CEP192: variants seen among roughly 807,000 people sequenced by gnomAD.
CEP192 encodes the protein centrosomal protein 192.
In CEP192, 151 loss-of-function variants were observed where a neutral mutation model predicts 271.8. That is an observed-to-expected ratio of 0.56 (90% CI 0.49 to 0.64). The LOEUF (loss-of-function observed/expected upper bound fraction) is 0.64, where lower values mean the gene tolerates loss of function less well. CEP192 is among the 30% of genes least tolerant of loss of function. The pLI, the probability that CEP192 is intolerant of heterozygous loss-of-function variation, is 0.00. For missense variants in CEP192, 2,910 were observed against 3,020.5 expected, an observed-to-expected ratio of 0.96 and a Z score of 0.86; for synonymous variants, 995 against 1,076.5, an observed-to-expected ratio of 0.92 and a Z score of 1.48.
At chr18:13,033,211 C>T (rs1310218826) in intron 11 of CEP192, among the ~76,000 whole-genome samples, 1 of 152,090 alleles carries the variant, frequency 6.6e-6, no homozygotes, top group African/African-American at 2.4e-5. Context: ...GTTTAAAGCC[C>T]ATTCCCCTAA....
intron 30 of CEP192, 64 bp downstream of exon 30, chr18:13,073,249 A>G: frequency 7.3e-7 from 1 of 1,366,256 alleles, no homozygotes; most frequent in South Asian, 1.4e-5. Flanking sequence ...CTATTGGTTT[A>G]ATGTTGTAAA....
rs953522578 is a variant in CEP192 at position 13,017,204 on chromosome 18, T to C, written c.657T>C (p.Asp219=). The C allele has an allele frequency of 6.5e-7, 1 of 1,545,928 alleles. No individual in the cohort carries two copies. Among genetic ancestry groups the C allele is most frequent in the Admixed American group, 2.0e-5 (1 of 50,202 alleles). The change falls in exon 7 of 45, where the codon GAT becomes GAC. Residue 219 remains aspartate (D), a synonymous_variant. Coordinates refer to ENST00000506447, the MANE Select transcript of CEP192 (RefSeq NM_032142.4). The stretch of plus-strand genomic sequence containing the variant: ...TATCAATAGATGATGATATTGATGA[T>C]GAAATGTTTTATGATGATCATTTGG... ...LEDSSDDDID[D]EMFYDDHLEA...
chr18:13,017,109 T>G, intron 6 of CEP192, 79 bp from the exon 7 acceptor site: 1 of 1,146,888 alleles, frequency 8.7e-7, no homozygotes, highest in Non-Finnish European at 1.2e-6. Flanking sequence ...ATTTATGTCT[T>G]ATCGGCCTTT....
At chr18:13,120,883 T>C (rs2040627374) in intron 44 of CEP192, among the ~76,000 whole-genome samples, 1 of 152,210 alleles carries the variant, frequency 6.6e-6, no homozygotes, top group Non-Finnish European at 1.5e-5. Context: ...TTTAACTAAA[T>C]GAACTAAACT....
At chr18:13,099,620 A>G (rs375783748) in intron 37 of CEP192, 39 bp downstream of exon 37, 280 of 995,100 alleles carry the variant, frequency 2.8e-4, no homozygotes, top group Non-Finnish European at 3.9e-4. Context: ...TTTGAGTGAC[A>G]ATTCTGTTTG....
At chr18:13,034,459 C>A (rs1309308968) in intron 11 of CEP192, among the ~76,000 whole-genome samples, 1 of 152,118 alleles carries the variant, frequency 6.6e-6, no homozygotes, top group East Asian at 1.9e-4. Context: ...ACGTCCAAGT[C>A]ATTTTAAATG....
chr18:13,100,117 A>G (rs1246563907), intron 37 of CEP192, among the ~76,000 whole-genome samples, 188 bp from the exon 38 acceptor site: 1 of 152,234 alleles, frequency 6.6e-6, no homozygotes, highest in Non-Finnish European at 1.5e-5. Flanking sequence ...CTTTAAAAAC[A>G]AAGGTAATGG....
intron 20 of CEP192, 81 bp downstream of exon 20, chr18:13,057,814 G>A (rs2037195156): frequency 2.1e-6 from 3 of 1,396,586 alleles, no homozygotes. Flanking sequence ...CTAGTGCTAG[G>A]TTCTCCCTTC....
intron 15 of CEP192, among the ~76,000 whole-genome samples, chr18:13,047,249 T>G (rs1037563623): frequency 6.6e-6 from 1 of 152,194 alleles, no homozygotes; most frequent in Non-Finnish European, 1.5e-5. Context: ...AGCCTCATCC[T>G]TATGAGAACC....
rs1236366705 is a variant in CEP192, at chr18:13,015,424, C to G, written c.616C>G (p.Pro206Ala). ...ATTAGAAAATGAGAAACTTATCTTA[C>G]CGACAAGCTTGGAAGATTCTTCTGG... Reference protein sequence around the residue: ...SLLENEKLILPTSLEDSSDDD... With the variant: ...SLLENEKLILATSLEDSSDDD... The change falls in exon 6 of 45, where the codon CCG becomes GCG. Residue 206 changes from proline to alanine, a missense_variant. Transcript: ENST00000506447. 1 of 1,551,222 alleles carries G rather than the reference C, an allele frequency of 6.4e-7. No homozygotes were observed.
At chr18:13,013,370 C>G (rs887150978) in intron 5 of CEP192, among the ~76,000 whole-genome samples, 1 of 152,070 alleles carries the variant, frequency 6.6e-6, no homozygotes, top group African/African-American at 2.4e-5. Flanking sequence ...TCCTGAGTGC[C>G]TGAGTGTCTG....
At chr18:12,992,338 T>C (rs906378931) in intron 1 of CEP192, among the ~76,000 whole-genome samples, 3 of 152,200 alleles carry the variant, frequency 2.0e-5, no homozygotes, top group Non-Finnish European at 4.4e-5. Flanking sequence ...TGATGAGTTT[T>C]GGGGAAGTTT....
At chr18:13,076,545 T>A (rs1243150355) in intron 30 of CEP192, among the ~76,000 whole-genome samples, 1 of 152,190 alleles carries the variant, frequency 6.6e-6, no homozygotes, top group Non-Finnish European at 1.5e-5. Context: ...CTTGTTACTC[T>A]GTAGTAATTT....
At position 13,052,901 on chromosome 18, in the gene CEP192, G is replaced by A. The variant is rs561788872; in HGVS notation, c.3018-18G>A. The A allele has an allele frequency of 2.6e-6, 4 of 1,545,546 alleles. No homozygotes were observed. Among genetic ancestry groups the A allele is most frequent in the Non-Finnish European group, 3.5e-6 (4 of 1,138,622 alleles). On this transcript the variant is annotated intron_variant, in intron 17 of 44. Coordinates refer to ENST00000506447, the MANE Select transcript of CEP192 (RefSeq NM_032142.4). ...AAGGACTGGAGAACTCCAGGTGTGA[G>A]CTACTCTTCTCTTTCAGGTGTGCGT...
chr18:13,121,527 T>C (rs1475304603), intron 44 of CEP192, among the ~76,000 whole-genome samples: 2 of 152,208 alleles, frequency 1.3e-5, no homozygotes, highest in African/African-American at 4.8e-5. Flanking sequence ...AACACGAATG[T>C]ATGATAGATT....
Position 13,112,051 on chromosome 18 carries a change from T to C in CEP192, c.7048-1535T>C, listed in dbSNP as rs983992749. 3.3e-5 allele frequency among the ~76,000 whole-genome samples: 5 copies of C among 152,216 alleles called. No individual in the cohort carries two copies. The East Asian group carries it at 5.8e-4, about 18-fold the overall frequency. ...GGTATGTGAAATGGTACAGCCGCTA[T>C]GGAAAATAATTTGGCAGTTTCTCAA... is the stretch of plus-strand genomic sequence containing the variant. On this transcript the variant is annotated intron_variant, in intron 40 of 44. Transcript: ENST00000506447.
intron 17 of CEP192, among the ~76,000 whole-genome samples, chr18:13,050,484 C>G (rs925566658): frequency 6.6e-6 from 1 of 152,130 alleles, no homozygotes; most frequent in Admixed American, 6.5e-5. Flanking sequence ...CAATGGAGAG[C>G]TTAGTTCCTT....
chr18:13,099,215 C>A (rs1329841873), intron 36 of CEP192, among the ~76,000 whole-genome samples: 5 of 150,646 alleles, frequency 3.3e-5, no homozygotes, highest in African/African-American at 1.2e-4. Flanking sequence ...AGGGAGAGGG[C>A]GGCATGGTTT....
At chr18:13,035,556 C>G (rs2035873260) in intron 11 of CEP192, among the ~76,000 whole-genome samples, 2 of 152,174 alleles carry the variant, frequency 1.3e-5, no homozygotes, top group African/African-American at 4.8e-5. Flanking sequence ...GTCCCTCCCA[C>G]AACATTTGAG....
Sources: allele counts gnomAD v4.1 joint callset (sites outside exome capture counted in the v4.1 genomes callset), GRCh38; gene constraint gnomAD v4.1.1; transcripts MANE v1.5; gene names NCBI Gene and HGNC (gene_info 2026-07-23, HGNC 2026-07-21).